CABCOCO1: variants seen among roughly 807,000 people sequenced by gnomAD.
CABCOCO1 encodes ciliary associated calcium binding coiled-coil 1, also known as ciliary-associated calcium-binding coiled-coil protein 1.
A neutral mutation model predicts 35.7 loss-of-function variants in CABCOCO1; 28 were observed. That is an observed-to-expected ratio of 0.78 (90% CI 0.58 to 1.07). CABCOCO1 has a LOEUF of 1.07. CABCOCO1 is among the 50% of genes least tolerant of loss of function. CABCOCO1 has a pLI of 0.00. For synonymous variants in CABCOCO1, 95 were observed against 100.1 expected (o/e 0.95, Z 0.30); for missense variants, 326 against 309.2 (o/e 1.05, Z -0.41).
At chr10:61,721,228 C>G (rs1308036224) in intron 5 of CABCOCO1, among the ~76,000 whole-genome samples, 1 of 151,788 alleles carries the variant, frequency 6.6e-6, no homozygotes, top group Non-Finnish European at 1.5e-5. Flanking sequence ...CCGGCCCCAC[C>G]TCTGCTTTTT....
In CABCOCO1 at chr10:61,760,042, T is replaced by A; in HGVS notation, c.553-17T>A. ...ACCAAAGGCTCTGTCATAATTCAAC[T>A]TTTTTCTTCCCATCAGCAAGTGATA... On this transcript the variant is annotated splice_polypyrimidine_tract_variant and intron_variant, in intron 5 of 7. Coordinates refer to ENST00000648843, the MANE Select transcript of CABCOCO1 (RefSeq NM_001366906.2). 2 of 1,612,106 alleles carry A rather than the reference T, an allele frequency of 1.2e-6. No homozygotes were observed. Among genetic ancestry groups the A allele is most frequent in the Non-Finnish European group, 1.7e-6 (2 of 1,178,862 alleles).
chr10:61,716,806 GAT>G (rs1293664504), intron 5 of CABCOCO1, among the ~76,000 whole-genome samples: 6 of 152,030 alleles, frequency 3.9e-5, no homozygotes, highest in Admixed American at 3.9e-4. Flanking sequence ...TGAGATGCTT[GAT>G]AAACATTTAA....
At position 61,674,965 on chromosome 10, in the gene CABCOCO1, C is replaced by T. The variant is rs184544558; in HGVS notation, c.164+2230C>T. 5.9e-5 allele frequency among the ~76,000 whole-genome samples: 9 copies of T among 152,182 alleles called. No homozygotes were observed. The East Asian group carries it at 1.2e-3, about 20-fold the overall frequency. On this transcript the variant is annotated intron_variant, in intron 2 of 7. Coordinates refer to ENST00000648843, the MANE Select transcript of CABCOCO1 (RefSeq NM_001366906.2). ...CACTGAGACATTTTTAATAACCTTT[C>T]GGTAACTGGGCCTCCATGAGCTATT...
In CABCOCO1 at chr10:61,760,229, C is replaced by A. The variant is rs770592192; in HGVS notation, c.675+48C>A. ...ATTCACCCTACCTCATCATTATATTCTCTTGGGGTGGGAGGAAACGAACTA... is the reference window on the plus strand; with the variant it reads ...ATTCACCCTACCTCATCATTATATTATCTTGGGGTGGGAGGAAACGAACTA... On this transcript the variant is annotated intron_variant, in intron 6 of 7. Coordinates refer to ENST00000648843, the MANE Select transcript of CABCOCO1 (RefSeq NM_001366906.2). The A allele has an allele frequency of 3.2e-6, 5 of 1,580,202 alleles. No homozygotes were observed. The South Asian group carries it at 5.7e-5, about 18-fold the overall frequency.
chr10:61,747,961 G>A (rs1841699621), intron 5 of CABCOCO1, among the ~76,000 whole-genome samples: 1 of 152,090 alleles, frequency 6.6e-6, no homozygotes, highest in African/African-American at 2.4e-5. Context: ...TCAGATAATA[G>A]GCTATACTCA....
intron 2 of CABCOCO1, among the ~76,000 whole-genome samples, chr10:61,680,691 A>ACAT (rs1564532809): frequency 1.0e-5 from 1 of 95,394 alleles, no homozygotes; most frequent in African/African-American, 4.3e-5. Context: ...ATACATGTAT[A>ACAT]ACATATATAT....
At chr10:61,722,951 C>T (rs533724191) in intron 5 of CABCOCO1, among the ~76,000 whole-genome samples, 2 of 151,994 alleles carry the variant, frequency 1.3e-5, no homozygotes. Flanking sequence ...ATAATTGACC[C>T]GTATTTAACA....
intron 5 of CABCOCO1, among the ~76,000 whole-genome samples, chr10:61,702,888 C>A (rs1478142710): frequency 6.6e-6 from 1 of 150,674 alleles, no homozygotes; most frequent in Non-Finnish European, 1.5e-5. Context: ...TGCATCAGCA[C>A]CATTGACATT....
intron 5 of CABCOCO1, among the ~76,000 whole-genome samples, chr10:61,691,893 T>C (rs1254945316): frequency 3.3e-5 from 5 of 152,192 alleles, no homozygotes; most frequent in African/African-American, 9.7e-5. Flanking sequence ...CAGTCTATCA[T>C]TGATGGGCAT....
chr10:61,760,821 C>T (rs1202661984), intron 6 of CABCOCO1, 42 bp from the exon 7 acceptor site: 1 of 1,575,366 alleles, frequency 6.3e-7, no homozygotes, highest in Non-Finnish European at 8.6e-7. Context: ...TCACCGAATG[C>T]TCTAGAAATC....
chr10:61,745,118 T>A (rs1398383449), intron 5 of CABCOCO1, among the ~76,000 whole-genome samples: 1 of 152,202 alleles, frequency 6.6e-6, no homozygotes, highest in Non-Finnish European at 1.5e-5. Context: ...CTATCAAATG[T>A]GTTTTTCATA....
intron 1 of CABCOCO1, 196 bp downstream of exon 1, chr10:61,663,228 G>GCCCGGCGCCCCCCAGCCGGC (rs1487831150): frequency 4.2e-5 from 7 of 166,116 alleles, no homozygotes; most frequent in Non-Finnish European, 8.6e-5. Flanking sequence ...ACCCTCTGCA[G>GCCCGGCGCCCCCCAGCCGGC]CCCGGCGCCC....
chr10:61,728,993 C>T lies in CABCOCO1; in HGVS notation c.553-31066C>T, dbSNP rs372779537. On this transcript the variant is annotated intron_variant, in intron 5 of 7. Transcript: ENST00000648843. ...GAACTGGGCAAAAAAGTAAATATAT[C>T]AAAAAAGTGAGCTTTGTGACTGTAG... Among the ~76,000 whole-genome samples the T allele has an allele frequency of 4.6e-5, 7 of 152,074 alleles. No individual in the cohort carries two copies. The East Asian group carries it at 1.4e-3, about 29-fold the overall frequency.
intron 5 of CABCOCO1, chr10:61,701,631 G>T: frequency 1.0e-6 from 1 of 984,632 alleles, no homozygotes; most frequent in Non-Finnish European, 1.2e-6. Context: ...TTACAAACCC[G>T]CAGAATCCAT....
intron 3 of CABCOCO1, chr10:61,685,422 G>GA (rs1272811793): frequency 6.6e-6 from 1 of 151,930 alleles, no homozygotes; most frequent in Non-Finnish European, 1.5e-5. Context: ...GTAGAAAAAA[G>GA]AAAAAACAAA....
chr10:61,741,569 G>T (rs1423113336), intron 5 of CABCOCO1, among the ~76,000 whole-genome samples: 2 of 122,448 alleles, frequency 1.6e-5, no homozygotes, highest in Non-Finnish European at 4.1e-5. Flanking sequence ...TCTATATGAT[G>T]TTACCAATAA....
chr10:61,738,145 C>T (rs1457607438), intron 5 of CABCOCO1, among the ~76,000 whole-genome samples: 2 of 151,580 alleles, frequency 1.3e-5, no homozygotes, highest in Non-Finnish European at 2.9e-5. Context: ...TTTAAATGCC[C>T]CATGGTGATT....
chr10:61,672,090 TTGGTGTTGC>T (rs1344674182), intron 1 of CABCOCO1, among the ~76,000 whole-genome samples: 2 of 152,216 alleles, frequency 1.3e-5, no homozygotes, highest in Non-Finnish European at 2.9e-5. Context: ...CTTCATAACC[TTGGTGTTGC>T]TGGTTCATTC....
At chr10:61,703,686 C>CG (rs1326614924) in intron 5 of CABCOCO1, among the ~76,000 whole-genome samples, 2 of 151,700 alleles carry the variant, frequency 1.3e-5, no homozygotes. Flanking sequence ...AGCTGGGCTG[C>CG]CTTCAGGCCT....
Sources: gnomAD v4.1 joint callset for allele counts (sites outside exome capture counted in the v4.1 genomes callset) on GRCh38, gnomAD v4.1.1 for gene constraint, MANE v1.5 for transcripts, NCBI Gene and HGNC (gene_info 2026-07-23, HGNC 2026-07-21) for gene names.